Variants in M1AP observed in about 807,000 individuals in gnomAD.
The protein encoded by M1AP is meiosis 1 associated protein.
Under a neutral mutation model 51.2 loss-of-function variants are expected in M1AP, and 39 were observed. The ratio of observed to expected loss-of-function variants is 0.76; its 90% CI spans 0.59 to 1.00. The LOEUF is 1.00. Ranked by LOEUF, M1AP falls within the 50% of genes least tolerant of loss-of-function variation. The pLI, the probability that M1AP is intolerant of heterozygous loss-of-function variation, is 0.00. For missense variants in M1AP, 545 were observed against 641.2 expected, an observed-to-expected ratio of 0.85 and a Z score of 1.62; for synonymous variants, 251 against 249.2, an observed-to-expected ratio of 1.01 and a Z score of -0.07.
At chr2:74,642,690 A>C (rs1683361766) in intron 1 of M1AP, among the ~76,000 whole-genome samples, 1 of 152,184 alleles carries the variant, frequency 6.6e-6, no homozygotes, top group Non-Finnish European at 1.5e-5. Context: ...GTATATAGAA[A>C]ATCTAAAATA....
intron 4 of M1AP, among the ~76,000 whole-genome samples, chr2:74,596,685 A>G (rs868839329): frequency 2.4e-4 from 37 of 152,342 alleles, no homozygotes; most frequent in African/African-American, 8.7e-4. Context: ...CATTCATAGC[A>G]GCTTTCTTCA....
chr2:74,621,756 G>A (rs1682055894), intron 2 of M1AP, among the ~76,000 whole-genome samples: 1 of 151,930 alleles, frequency 6.6e-6, no homozygotes, highest in African/African-American at 2.4e-5. Context: ...TCGCGCTACT[G>A]CACTCCAGCC....
intron 2 of M1AP, among the ~76,000 whole-genome samples, chr2:74,631,680 G>T (rs974518795): frequency 4.6e-5 from 7 of 152,090 alleles, no homozygotes; most frequent in African/African-American, 1.7e-4. Flanking sequence ...GATCTTCACA[G>T]TAAGGGCATT....
intron 4 of M1AP, among the ~76,000 whole-genome samples, chr2:74,590,584 T>C (rs1279326092): frequency 6.6e-6 from 1 of 152,184 alleles, no homozygotes; most frequent in African/African-American, 2.4e-5. Flanking sequence ...AGAGCAATTA[T>C]TTTGGCTGGG....
chr2:74,597,894 G>T (rs879917244), intron 4 of M1AP, among the ~76,000 whole-genome samples: 3 of 152,044 alleles, frequency 2.0e-5, no homozygotes, highest in Non-Finnish European at 4.4e-5. Context: ...AACTTTTATT[G>T]TATGCCAATA....
intron 7 of M1AP, among the ~76,000 whole-genome samples, chr2:74,573,464 T>C (rs866813756): frequency 6.6e-5 from 10 of 152,180 alleles, no homozygotes; most frequent in African/African-American, 1.9e-4. Context: ...GTGATTCTCA[T>C]GTCTCGGCCT....
At chr2:74,612,395 T>A (rs891397414) in intron 3 of M1AP, among the ~76,000 whole-genome samples, 1 of 151,992 alleles carries the variant, frequency 6.6e-6, no homozygotes, top group Non-Finnish European at 1.5e-5. Flanking sequence ...ATTTAAAAAA[T>A]TTTTTGTAGA....
chr2:74,613,612 T>C (rs751235575), intron 3 of M1AP, among the ~76,000 whole-genome samples: 4 of 152,206 alleles, frequency 2.6e-5, no homozygotes, highest in Non-Finnish European at 5.9e-5. Flanking sequence ...CCAGGTCATT[T>C]AGACTCTGAT....
intron 3 of M1AP, among the ~76,000 whole-genome samples, chr2:74,610,572 C>T (rs993006510): frequency 2.0e-5 from 3 of 152,160 alleles, no homozygotes; most frequent in African/African-American, 7.2e-5. Flanking sequence ...CCTTAGCCTC[C>T]TGGGTAGTTG....
intron 4 of M1AP, among the ~76,000 whole-genome samples, chr2:74,589,943 A>G (rs1176290242): frequency 6.6e-6 from 1 of 152,250 alleles, no homozygotes; most frequent in African/African-American, 2.4e-5. Context: ...ATGCATCAAC[A>G]CTGATGATAG....
At chr2:74,647,261 C>G in intron 1 of M1AP, 1 of 985,328 alleles carries the variant, frequency 1.0e-6, no homozygotes, top group Non-Finnish European at 1.2e-6. Flanking sequence ...CTGCCCGCAC[C>G]CCGGGAGATC....
chr2:74,607,598 T>C (rs1681093017), intron 3 of M1AP, among the ~76,000 whole-genome samples: 1 of 152,152 alleles, frequency 6.6e-6, no homozygotes, highest in Admixed American at 6.5e-5. Context: ...CTCAGCCTCC[T>C]GGATAGCTGG....
chr2:74,624,775 G>A (rs1161739407), intron 2 of M1AP, among the ~76,000 whole-genome samples: 1 of 152,086 alleles, frequency 6.6e-6, no homozygotes, highest in African/African-American at 2.4e-5. Flanking sequence ...TATTGTATTT[G>A]AGCAATCATT....
chr2:74,621,125 A>C (rs1163675866), intron 2 of M1AP: 3 of 151,932 alleles, frequency 2.0e-5, no homozygotes, highest in Non-Finnish European at 4.4e-5. Context: ...AAATAAAAAA[A>C]AAAAAAATTA....
intron 1 of M1AP, chr2:74,647,483 A>T: frequency 7.5e-6 from 6 of 802,950 alleles, no homozygotes; most frequent in Non-Finnish European, 9.0e-6. Flanking sequence ...CATTAAAAAA[A>T]GATTAAAAGA....
intron 4 of M1AP, among the ~76,000 whole-genome samples, chr2:74,584,404 TTCAAGACCCACC>T (rs1188135154): frequency 1.3e-5 from 2 of 148,384 alleles, no homozygotes; most frequent in East Asian, 3.9e-4. Flanking sequence ...AGCCCAAAAG[TTCAAGACCCACC>T]TGGGCAACAT....
Position 74,558,626 on chromosome 2 carries a change from A to C in M1AP, c.*90T>G. On this transcript the variant is annotated 3_prime_UTR_variant, in exon 11 of 11. Coordinates refer to ENST00000421985, the MANE Select transcript of M1AP (RefSeq NM_001321739.2). The stretch of plus-strand genomic sequence containing the variant: ...CCCTCACTCACAGAGGCTCAGGCGG[A>C]TAGAGAGCAAGTCTGACCACAGATA... The C allele has an allele frequency of 2.0e-6, 3 of 1,488,576 alleles. No individual in the cohort carries two copies. Among genetic ancestry groups the C allele is most frequent in the East Asian group, 4.8e-5 (2 of 41,926 alleles). The allele number at this position is 1,488,576 out of a possible 1,614,324, so 92.2% of individuals were successfully genotyped here.
chr2:74,602,046 G>A (rs1048061050), intron 4 of M1AP, among the ~76,000 whole-genome samples: 3 of 152,124 alleles, frequency 2.0e-5, no homozygotes, highest in Admixed American at 6.5e-5. Flanking sequence ...GATGATCATG[G>A]CTATTGGAGT....
At chr2:74,638,798 C>T (rs556064079) in intron 2 of M1AP, among the ~76,000 whole-genome samples, 1 of 152,184 alleles carries the variant, frequency 6.6e-6, no homozygotes. Context: ...TCTACCTAAG[C>T]CACTTATGAA....
Sources: gnomAD v4.1 joint callset for allele counts (sites outside exome capture counted in the v4.1 genomes callset) on GRCh38, gnomAD v4.1.1 for gene constraint, MANE v1.5 for transcripts, NCBI Gene and HGNC (gene_info 2026-07-23, HGNC 2026-07-21) for gene names.